USH2A: variants seen among roughly 807,000 people sequenced by gnomAD.
USH2A encodes the protein usherin, also known as Usher syndrome 2A (autosomal recessive, mild).
A neutral mutation model predicts 538.9 loss-of-function variants in USH2A; 443 were observed. The observed-to-expected ratio is 0.82, with a 90% CI of 0.76 to 0.89. The LOEUF (loss-of-function observed/expected upper bound fraction) is 0.89. Among genes scored for constraint, USH2A ranks in the 40% least tolerant of loss-of-function variants. The pLI is 0.00. For synonymous variants in USH2A, 2,413 were observed against 2,273.5 expected (o/e 1.06, Z -1.75); for missense variants, 6,633 against 6,324.8 (o/e 1.05, Z -1.65).
At chr1:215,729,976 CA>C (rs1659943812) in intron 60 of USH2A, among the ~76,000 whole-genome samples, 1 of 152,152 alleles carries the variant, frequency 6.6e-6, no homozygotes, top group African/African-American at 2.4e-5. Flanking sequence ...ATGTCTTCCC[CA>C]AAACCTGGTA....
intron 49 of USH2A, among the ~76,000 whole-genome samples, chr1:215,807,915 T>G (rs972811022): frequency 2.0e-5 from 3 of 152,110 alleles, no homozygotes; most frequent in African/African-American, 7.2e-5. Flanking sequence ...AAGATAGGGT[T>G]AGCTTTGAGT....
intron 11 of USH2A, among the ~76,000 whole-genome samples, chr1:216,284,505 C>T (rs1413156875): frequency 6.6e-6 from 1 of 152,192 alleles, no homozygotes; most frequent in Admixed American, 6.5e-5. Flanking sequence ...AGTCAATTAA[C>T]ATCCTTCCTT....
At chr1:216,244,133 A>T (rs2035988481) in intron 13 of USH2A, among the ~76,000 whole-genome samples, 1 of 152,212 alleles carries the variant, frequency 6.6e-6, no homozygotes, top group African/African-American at 2.4e-5. Flanking sequence ...TAGTAAAACT[A>T]GTCAGAGGAT....
intron 60 of USH2A, among the ~76,000 whole-genome samples, chr1:215,736,767 A>T (rs1340369167): frequency 6.6e-6 from 1 of 152,040 alleles, no homozygotes; most frequent in Non-Finnish European, 1.5e-5. Flanking sequence ...TATAATCATC[A>T]AAACTTGAAT....
intron 64 of USH2A, among the ~76,000 whole-genome samples, chr1:215,665,110 C>G (rs1406191171): frequency 6.6e-6 from 1 of 152,212 alleles, no homozygotes; most frequent in Non-Finnish European, 1.5e-5. Flanking sequence ...AAGGCCTCCA[C>G]AGTACCTCTG....
chr1:216,237,494 T>TA (rs59074625), intron 13 of USH2A, among the ~76,000 whole-genome samples: 27,285 of 114,054 alleles, frequency 0.24, 2,876 homozygotes, highest in Non-Finnish European at 0.27. Flanking sequence ...GACTCCGTCT[T>TA]AAAAAAAAAA....
intron 38 of USH2A, among the ~76,000 whole-genome samples, chr1:215,923,777 A>G (rs558076494): frequency 6.8e-4 from 104 of 152,222 alleles, no homozygotes; most frequent in African/African-American, 2.4e-3. Flanking sequence ...ATATCCTATT[A>G]TATGCCTGAG....
intron 22 of USH2A, among the ~76,000 whole-genome samples, chr1:216,093,113 T>C (rs889104721): frequency 6.6e-6 from 1 of 152,056 alleles, no homozygotes; most frequent in African/African-American, 2.4e-5. Context: ...TACAGGCACC[T>C]GCCACCACGC....
intron 50 of USH2A, among the ~76,000 whole-genome samples, chr1:215,792,220 G>A (rs1662001742): frequency 1.3e-5 from 2 of 152,084 alleles, no homozygotes; most frequent in South Asian, 4.1e-4. Context: ...ATCACTCTGA[G>A]GGACTTCTGA....
chr1:215,643,704 A>AT (rs1558035101), intron 67 of USH2A, among the ~76,000 whole-genome samples: 1 of 151,750 alleles, frequency 6.6e-6, no homozygotes, highest in African/African-American at 2.4e-5. Flanking sequence ...TAAAAAAAAA[A>AT]TTTTTGTAGA....
At chr1:216,206,045 G>A (rs1318904900) in intron 16 of USH2A, among the ~76,000 whole-genome samples, 4 of 151,900 alleles carry the variant, frequency 2.6e-5, no homozygotes, top group African/African-American at 4.8e-5. Flanking sequence ...CTATCTCTGC[G>A]GAAACAGCAA....
intron 38 of USH2A, among the ~76,000 whole-genome samples, chr1:215,931,937 G>A (rs1666374391): frequency 6.6e-6 from 1 of 151,908 alleles, no homozygotes; most frequent in African/African-American, 2.4e-5. Context: ...CTAGGTTTGA[G>A]GCTAAAAAAT....
chr1:215,948,066 G>A (rs1666802257), intron 37 of USH2A, among the ~76,000 whole-genome samples: 2 of 151,916 alleles, frequency 1.3e-5, no homozygotes, highest in South Asian at 4.1e-4. Context: ...GCAATTGCTG[G>A]GCTTCTGAAA....
intron 21 of USH2A, among the ~76,000 whole-genome samples, chr1:216,152,442 T>C (rs1016683156): frequency 6.9e-6 from 1 of 145,234 alleles, no homozygotes; most frequent in Non-Finnish European, 1.5e-5. Flanking sequence ...TCACCCCCAC[T>C]GAGCACCTTG....
chr1:216,071,214 C>A (rs568277832), intron 29 of USH2A, among the ~76,000 whole-genome samples: 31 of 152,236 alleles, frequency 2.0e-4, no homozygotes, highest in African/African-American at 7.0e-4. Context: ...CACATCAAAT[C>A]TCCTCCTCTC....
chr1:215,796,317 G>C (rs1326138862), intron 50 of USH2A, among the ~76,000 whole-genome samples: 2 of 152,018 alleles, frequency 1.3e-5, no homozygotes, highest in African/African-American at 4.8e-5. Flanking sequence ...AAGTCTATTG[G>C]TGCCAATTTT....
At chr1:216,311,698 G>T (rs568133170) in intron 9 of USH2A, among the ~76,000 whole-genome samples, 1 of 152,066 alleles carries the variant, frequency 6.6e-6, no homozygotes, top group Non-Finnish European at 1.5e-5. Flanking sequence ...CATGGAGGAC[G>T]GGAGAACCGC....
At chr1:215,630,895 T>G (rs1269937259) in intron 70 of USH2A, among the ~76,000 whole-genome samples, 1 of 151,544 alleles carries the variant, frequency 6.6e-6, no homozygotes, top group East Asian at 1.9e-4. Flanking sequence ...GAGTGGAAAT[T>G]AATTGATTAG....
chr1:215,904,756 G>A (rs145182182), intron 38 of USH2A, among the ~76,000 whole-genome samples: 9 of 152,088 alleles, frequency 5.9e-5, no homozygotes, highest in East Asian at 1.9e-4. Context: ...TCTACACAGC[G>A]ACTAGATAAA....
Sources: gnomAD v4.1 joint callset for allele counts (sites outside exome capture counted in the v4.1 genomes callset) on GRCh38, gnomAD v4.1.1 for gene constraint, MANE v1.5 for transcripts, NCBI Gene and HGNC (gene_info 2026-07-23, HGNC 2026-07-21) for gene names.